EFNA5: variants seen among roughly 807,000 people sequenced by gnomAD.
The protein encoded by EFNA5 is ephrin A5.
Under a neutral mutation model 22.9 loss-of-function variants are expected in EFNA5, and 5 were observed. The observed-to-expected ratio is 0.22, with a 90% CI of 0.11 to 0.46. The LOEUF (loss-of-function observed/expected upper bound fraction) is 0.46, where lower values mean the gene tolerates loss of function less well. Ranked by LOEUF, EFNA5 falls within the 20% of genes least tolerant of loss-of-function variation. The pLI is 0.99. For synonymous variants in EFNA5, 113 were observed against 112.2 expected, an observed-to-expected ratio of 1.01 and a Z score of -0.04; for missense variants, 237 against 293.3, an observed-to-expected ratio of 0.81 and a Z score of 1.40.
chr5:107,569,559 TTATATATATATATATATA>T (rs70996962), intron 1 of EFNA5, among the ~76,000 whole-genome samples: 4 of 42,530 alleles, frequency 9.4e-5, no homozygotes, highest in Non-Finnish European at 1.3e-4. Context: ...ATATATATAT[TTATATATATATATATATA>T]TATATATATA....
At chr5:107,566,522 T>C (rs1159593726) in intron 1 of EFNA5, among the ~76,000 whole-genome samples, 3 of 152,194 alleles carry the variant, frequency 2.0e-5, no homozygotes, top group Non-Finnish European at 2.9e-5. Context: ...AACACAGCCA[T>C]CATTTCCAAT....
At chr5:107,532,070 G>A (rs1304525659) in intron 1 of EFNA5, among the ~76,000 whole-genome samples, 2 of 152,166 alleles carry the variant, frequency 1.3e-5, no homozygotes, top group Non-Finnish European at 2.9e-5. Context: ...AAGTATATTG[G>A]GCTCTAAGTT....
At chr5:107,537,568 C>G (rs1370888188) in intron 1 of EFNA5, among the ~76,000 whole-genome samples, 1 of 152,204 alleles carries the variant, frequency 6.6e-6, no homozygotes, top group East Asian at 1.9e-4. Flanking sequence ...CATTGCACTC[C>G]TGCCTGGGCC....
intron 1 of EFNA5, among the ~76,000 whole-genome samples, chr5:107,588,223 T>C (rs1042720600): frequency 6.6e-6 from 1 of 151,114 alleles, no homozygotes; most frequent in African/African-American, 2.5e-5. Context: ...TAACCAGATA[T>C]TATTTTTCGT....
chr5:107,594,740 T>G (rs901923219), intron 1 of EFNA5, among the ~76,000 whole-genome samples: 2 of 152,186 alleles, frequency 1.3e-5, no homozygotes, highest in African/African-American at 4.8e-5. Flanking sequence ...CTGACAGGCC[T>G]TATAGGCCTG....
chr5:107,596,577 T>A (rs1399760099), intron 1 of EFNA5, among the ~76,000 whole-genome samples: 1 of 152,176 alleles, frequency 6.6e-6, no homozygotes, highest in Non-Finnish European at 1.5e-5. Context: ...ATGAAATGGA[T>A]GTGCTATTTC....
chr5:107,427,069 A>T, intron 2 of EFNA5, 148 bp downstream of exon 2: 1 of 807,464 alleles, frequency 1.2e-6, no homozygotes, highest in Non-Finnish European at 2.0e-6. Flanking sequence ...ATTCCCAGCT[A>T]ATGTATCTAG....
intron 1 of EFNA5, among the ~76,000 whole-genome samples, chr5:107,628,352 C>T (rs942522643): frequency 1.5e-4 from 23 of 152,226 alleles, no homozygotes; most frequent in Admixed American, 1.3e-3. Flanking sequence ...TTAAGTTACA[C>T]ATATTGTAAT....
chr5:107,413,027 T>C (rs1484910068), intron 2 of EFNA5, among the ~76,000 whole-genome samples: 1 of 152,176 alleles, frequency 6.6e-6, no homozygotes, highest in Non-Finnish European at 1.5e-5. Context: ...AAGTAACTAA[T>C]TGCCTTTCAA....
intron 2 of EFNA5, among the ~76,000 whole-genome samples, chr5:107,392,168 G>A (rs766929143): frequency 5.3e-5 from 8 of 152,266 alleles, no homozygotes; most frequent in Admixed American, 2.6e-4. Flanking sequence ...CTTGTGGCGG[G>A]CAGCTTCTGA....
chr5:107,659,398 A>G (rs1389782133), intron 1 of EFNA5, among the ~76,000 whole-genome samples: 1 of 152,028 alleles, frequency 6.6e-6, no homozygotes, highest in Non-Finnish European at 1.5e-5. Flanking sequence ...TGAAATCCAA[A>G]ATTGATTCCA....
intron 2 of EFNA5, among the ~76,000 whole-genome samples, chr5:107,425,259 T>G (rs900095458): frequency 2.6e-5 from 4 of 152,246 alleles, no homozygotes; most frequent in Non-Finnish European, 4.4e-5. Context: ...CTATAATTTC[T>G]AATAATCAGG....
chr5:107,555,307 G>C (rs1748388719), intron 1 of EFNA5, among the ~76,000 whole-genome samples: 1 of 152,242 alleles, frequency 6.6e-6, no homozygotes, highest in African/African-American at 2.4e-5. Context: ...TAATCTATTT[G>C]GTCAGCCAAC....
chr5:107,604,073 G>T (rs572834275), intron 1 of EFNA5, among the ~76,000 whole-genome samples: 2 of 152,176 alleles, frequency 1.3e-5, no homozygotes, highest in Non-Finnish European at 2.9e-5. Context: ...AATCTTTGGG[G>T]ACGTGAACCA....
chr5:107,604,463 G>C (rs1469854609), intron 1 of EFNA5, among the ~76,000 whole-genome samples: 2 of 152,132 alleles, frequency 1.3e-5, no homozygotes, highest in Admixed American at 1.3e-4. Context: ...AGCTGGAAGA[G>C]AGAAACAGAA....
At chr5:107,545,437 C>T (rs556741820) in intron 1 of EFNA5, among the ~76,000 whole-genome samples, 4 of 152,312 alleles carry the variant, frequency 2.6e-5, no homozygotes, top group African/African-American at 9.6e-5. Context: ...CAAAGAAGCA[C>T]AATGAAAACA....
chr5:107,645,548 T>TTGA (rs1750616204), intron 1 of EFNA5, among the ~76,000 whole-genome samples: 1 of 152,208 alleles, frequency 6.6e-6, no homozygotes, highest in Non-Finnish European at 1.5e-5. Flanking sequence ...TTATAGTCAA[T>TTGA]CTAGTCATTA....
At chr5:107,388,829 A>T (rs1747710603) in intron 2 of EFNA5, among the ~76,000 whole-genome samples, 1 of 152,208 alleles carries the variant, frequency 6.6e-6, no homozygotes, top group South Asian at 2.1e-4. Context: ...AAAGTGACAA[A>T]GAGGGATCGG....
chr5:107,571,141 G>A (rs1321099038), intron 1 of EFNA5, among the ~76,000 whole-genome samples: 1 of 152,184 alleles, frequency 6.6e-6, no homozygotes, highest in Admixed American at 6.5e-5. Context: ...GTGAGCGAGT[G>A]GGGGAAGAGG....
Sources: gnomAD v4.1 joint callset for allele counts (sites outside exome capture counted in the v4.1 genomes callset) on GRCh38, gnomAD v4.1.1 for gene constraint, MANE v1.5 for transcripts, NCBI Gene and HGNC (gene_info 2026-07-23, HGNC 2026-07-21) for gene names.